Variants in PMFBP1 observed in about 807,000 individuals in gnomAD.
The protein encoded by PMFBP1 is polyamine-modulated factor 1-binding protein 1.
PMFBP1 carries 131 observed loss-of-function variants against 137.8 expected under a neutral mutation model. The ratio of observed to expected loss-of-function variants is 0.95; its 90% CI spans 0.82 to 1.10. PMFBP1 has a LOEUF of 1.10. Among genes scored for constraint, PMFBP1 ranks in the 50% least tolerant of loss-of-function variants. PMFBP1 has a pLI of 0.00. For missense variants in PMFBP1, 1,199 were observed against 1,175.4 expected (o/e 1.02, Z -0.29); for synonymous variants, 490 against 450.4 (o/e 1.09, Z -1.11).
At chr16:72,116,980 G>GT (rs1394324871), downstream of PMFBP1, among the ~76,000 whole-genome samples, 2 of 141,642 alleles carry the variant, frequency 1.4e-5, no homozygotes, top group Non-Finnish European at 3.0e-5. Context: ...TGTTTTGGCT[G>GT]TTGGGATCCC....
At chr16:72,244,467 C>T in the PMFBP1 span, among the ~76,000 whole-genome samples, 1 of 152,098 alleles carries the variant, frequency 6.6e-6, no homozygotes, top group African/African-American at 2.4e-5. Flanking sequence ...AAAATACGTC[C>T]CCTCTCCTTC....
intron 11 of PMFBP1, 34 bp from the exon 12 acceptor site, chr16:72,130,391 T>A (rs1423738214): frequency 3.7e-6 from 6 of 1,613,792 alleles, no homozygotes; most frequent in Non-Finnish European, 5.1e-6. Context: ...GAGGACAGAC[T>A]TCAGTGCCCA....
the PMFBP1 span, among the ~76,000 whole-genome samples, chr16:72,236,869 A>C: frequency 2.6e-5 from 4 of 152,234 alleles, no homozygotes; most frequent in African/African-American, 9.6e-5. Context: ...AAGGGGAGCA[A>C]ATAATTGAGA....
At chr16:72,154,584 C>T in intron 3 of PMFBP1, 125 bp from the exon 4 acceptor site, 1 of 1,101,276 alleles carries the variant, frequency 9.1e-7, no homozygotes, top group Non-Finnish European at 1.3e-6. Flanking sequence ...ATCTTTTCAT[C>T]TACAGAGATC....
At chr16:72,147,355 C>A (rs2042824543) in intron 5 of PMFBP1, among the ~76,000 whole-genome samples, 1 of 152,168 alleles carries the variant, frequency 6.6e-6, no homozygotes, top group Non-Finnish European at 1.5e-5. Flanking sequence ...CTTCCTTACA[C>A]CTTATACAAA....
intron 16 of PMFBP1, 41 bp from the exon 17 acceptor site, chr16:72,124,975 C>T (rs758278134): frequency 1.9e-6 from 3 of 1,601,620 alleles, no homozygotes; most frequent in African/African-American, 2.7e-5. Flanking sequence ...CTCCAGCTGG[C>T]CTCCCTGACC....
the PMFBP1 span, among the ~76,000 whole-genome samples, chr16:72,221,657 G>A: frequency 6.6e-6 from 1 of 152,172 alleles, no homozygotes; most frequent in Non-Finnish European, 1.5e-5. Flanking sequence ...TGAAGGGGGA[G>A]AGAAAAGAAC....
In PMFBP1 at chr16:72,136,489, CCAGCTGCAGCTCCTG is replaced by C; in HGVS notation, c.1147_1161del (p.Gln383_Leu387del). ...GTGAGCTTTTGGGTCTCGGTGAACT[CCAGCTGCAGCTCCTG>C]CAGCCGGCACTGCAGGATGGTGATG... is the stretch of plus-strand genomic sequence containing the variant. On this transcript the variant is annotated inframe_deletion, in exon 9 of 21. Coordinates refer to ENST00000237353, the MANE Select transcript of PMFBP1 (RefSeq NM_031293.3). The C allele has an allele frequency of 4.3e-6, 7 of 1,614,044 alleles. No individual in the cohort carries two copies. Among genetic ancestry groups the C allele is most frequent in the Non-Finnish European group, 5.9e-6 (7 of 1,179,968 alleles).
the PMFBP1 span, among the ~76,000 whole-genome samples, chr16:72,215,642 C>G: frequency 6.6e-6 from 1 of 152,132 alleles, no homozygotes; most frequent in Non-Finnish European, 1.5e-5. Context: ...GCAAATTATA[C>G]CAGAAGAGAA....
intron 3 of PMFBP1, among the ~76,000 whole-genome samples, chr16:72,163,242 A>G (rs2043090083): frequency 6.6e-6 from 1 of 152,246 alleles, no homozygotes; most frequent in African/African-American, 2.4e-5. Context: ...CCACAAGTAA[A>G]GAATTCTTGG....
chr16:72,222,202 G>A, the PMFBP1 span, among the ~76,000 whole-genome samples: 2 of 151,998 alleles, frequency 1.3e-5, no homozygotes, highest in South Asian at 4.1e-4. Context: ...TGAATTCCTG[G>A]TCTCAAGGGA....
chr16:72,143,217 T>C (rs1214613804), intron 5 of PMFBP1, among the ~76,000 whole-genome samples: 2 of 152,234 alleles, frequency 1.3e-5, no homozygotes, highest in African/African-American at 4.8e-5. Context: ...ACAGGCATTA[T>C]ACTTAATAGT....
the PMFBP1 span, among the ~76,000 whole-genome samples, chr16:72,220,306 T>A: frequency 6.6e-6 from 1 of 152,214 alleles, no homozygotes; most frequent in Admixed American, 6.5e-5. Context: ...AGTGGTTTAG[T>A]AAATTATGAC....
At chr16:72,232,684 A>G in the PMFBP1 span, among the ~76,000 whole-genome samples, 3 of 152,170 alleles carry the variant, frequency 2.0e-5, no homozygotes. Flanking sequence ...CATGAAGAGG[A>G]TAAGTATTAA....
At chr16:72,246,541 G>A in the PMFBP1 span, among the ~76,000 whole-genome samples, 1 of 151,810 alleles carries the variant, frequency 6.6e-6, no homozygotes, top group South Asian at 2.1e-4. Context: ...TCTGCTTGAG[G>A]TGACAACTTC....
At chr16:72,135,196 G>T (rs2042605429) in intron 9 of PMFBP1, among the ~76,000 whole-genome samples, 1 of 151,976 alleles carries the variant, frequency 6.6e-6, no homozygotes, top group African/African-American at 2.4e-5. Flanking sequence ...TATTATTTGA[G>T]ACAGAGTTTC....
chr16:72,240,155 T>C, the PMFBP1 span, among the ~76,000 whole-genome samples: 2 of 152,186 alleles, frequency 1.3e-5, no homozygotes, highest in South Asian at 2.1e-4. Flanking sequence ...TAACAGGTCA[T>C]ATCAGGTAGA....
At chr16:72,218,522 C>G in the PMFBP1 span, among the ~76,000 whole-genome samples, 1 of 152,090 alleles carries the variant, frequency 6.6e-6, no homozygotes, top group African/African-American at 2.4e-5. Flanking sequence ...CTCAAATGAT[C>G]CACCTGCCTC....
chr16:72,121,140 C>T (rs1042195512), intron 19 of PMFBP1, among the ~76,000 whole-genome samples: 12 of 152,104 alleles, frequency 7.9e-5, no homozygotes, highest in African/African-American at 2.9e-4. Context: ...TTACTTACAC[C>T]CTAGTAAAAA....
Sources: gnomAD v4.1 joint callset for allele counts (sites outside exome capture counted in the v4.1 genomes callset) on GRCh38, gnomAD v4.1.1 for gene constraint, MANE v1.5 for transcripts, NCBI Gene and HGNC (gene_info 2026-07-23, HGNC 2026-07-21) for gene names.